ELMO1: variants seen among roughly 807,000 people sequenced by gnomAD.
ELMO1 encodes the protein engulfment and cell motility protein 1.
ELMO1 carries 26 observed loss-of-function variants against 98.9 expected under a neutral mutation model. The observed-to-expected ratio is 0.26, with a 90% CI of 0.19 to 0.36. The LOEUF (loss-of-function observed/expected upper bound fraction) is 0.36. Among genes scored for constraint, ELMO1 ranks in the 10% least tolerant of loss-of-function variants. The pLI is 1.00. For synonymous variants in ELMO1, 346 were observed against 346.0 expected, an observed-to-expected ratio of 1.00 and a Z score of 0.00; for missense variants, 627 against 935.2, an observed-to-expected ratio of 0.67 and a Z score of 4.30.
intron 16 of ELMO1, among the ~76,000 whole-genome samples, chr7:36,943,290 CT>C (rs1787203704): frequency 6.6e-6 from 1 of 152,210 alleles, no homozygotes; most frequent in South Asian, 2.1e-4. Context: ...AATACCTTTT[CT>C]TTTATGCGTA....
intron 16 of ELMO1, among the ~76,000 whole-genome samples, chr7:36,943,328 T>C (rs1046017016): frequency 4.1e-4 from 63 of 152,230 alleles, no homozygotes; most frequent in African/African-American, 1.4e-3. Flanking sequence ...ACGGTGTTTA[T>C]ATAAATCCAG....
intron 4 of ELMO1, among the ~76,000 whole-genome samples, chr7:37,289,154 T>C (rs1797548974): frequency 6.6e-6 from 1 of 152,142 alleles, no homozygotes; most frequent in South Asian, 2.1e-4. Context: ...GCTTTTTGAG[T>C]GAATAGAATG....
chr7:37,015,622 A>C (rs987924784), intron 15 of ELMO1, among the ~76,000 whole-genome samples: 3 of 152,210 alleles, frequency 2.0e-5, no homozygotes, highest in Non-Finnish European at 4.4e-5. Flanking sequence ...GAAAAAAAGA[A>C]AAAATAGGAA....
At chr7:36,958,160 T>C (rs779032996) in intron 16 of ELMO1, among the ~76,000 whole-genome samples, 6 of 152,212 alleles carry the variant, frequency 3.9e-5, no homozygotes, top group African/African-American at 9.6e-5. Context: ...TATTCCATTA[T>C]AATTATAATC....
At chr7:37,433,943 C>G (rs756416830) in intron 1 of ELMO1, among the ~76,000 whole-genome samples, 2 of 152,124 alleles carry the variant, frequency 1.3e-5, no homozygotes, top group Non-Finnish European at 2.9e-5. Flanking sequence ...CGAACCTCAT[C>G]TGGGACTTAT....
intron 8 of ELMO1, among the ~76,000 whole-genome samples, chr7:37,228,973 C>G (rs542326135): frequency 2.0e-5 from 3 of 152,140 alleles, no homozygotes; most frequent in Non-Finnish European, 2.9e-5. Flanking sequence ...GCCTGGGTGA[C>G]GGAGCGAGAC....
intron 1 of ELMO1, among the ~76,000 whole-genome samples, chr7:37,380,595 T>A (rs1468879834): frequency 6.6e-6 from 1 of 152,202 alleles, no homozygotes; most frequent in African/African-American, 2.4e-5. Flanking sequence ...ATTCTCACTA[T>A]CAGAAGTAGT....
intron 1 of ELMO1, among the ~76,000 whole-genome samples, chr7:37,410,865 C>A (rs1392335399): frequency 6.6e-6 from 1 of 152,162 alleles, no homozygotes; most frequent in East Asian, 1.9e-4. Context: ...GAAAAGGATG[C>A]AATTCATGAG....
intron 15 of ELMO1, among the ~76,000 whole-genome samples, chr7:37,015,596 C>T (rs1029513694): frequency 1.3e-4 from 19 of 151,992 alleles, no homozygotes; most frequent in African/African-American, 4.3e-4. Flanking sequence ...AGCGAAACTC[C>T]GTCTCCCAAA....
chr7:37,089,816 C>T (rs1043283887), intron 15 of ELMO1, among the ~76,000 whole-genome samples: 1 of 152,118 alleles, frequency 6.6e-6, no homozygotes, highest in African/African-American at 2.4e-5. Flanking sequence ...CCCATCTTAA[C>T]ATAACTCCAG....
chr7:37,388,886 G>C (rs1011581560), intron 1 of ELMO1, among the ~76,000 whole-genome samples: 1 of 152,206 alleles, frequency 6.6e-6, no homozygotes, highest in Non-Finnish European at 1.5e-5. Flanking sequence ...CTTTGGGAGG[G>C]ATAGCTTTAA....
chr7:37,252,257 A>G (rs1014308184), intron 6 of ELMO1, among the ~76,000 whole-genome samples: 2 of 152,258 alleles, frequency 1.3e-5, no homozygotes, highest in Middle Eastern at 3.2e-3. Flanking sequence ...GAACTAAAAA[A>G]GAGCCCATAT....
chr7:37,350,349 G>C (rs1317135128), intron 1 of ELMO1, among the ~76,000 whole-genome samples: 1 of 152,200 alleles, frequency 6.6e-6, no homozygotes, highest in Admixed American at 6.5e-5. Context: ...TGTGCTATTA[G>C]CTACGGTTGG....
chr7:37,309,328 T>A (rs1162478011), intron 4 of ELMO1, among the ~76,000 whole-genome samples: 1 of 152,162 alleles, frequency 6.6e-6, no homozygotes, highest in Non-Finnish European at 1.5e-5. Context: ...AACCTCCCCC[T>A]TGATTCAATT....
intron 13 of ELMO1, among the ~76,000 whole-genome samples, chr7:37,182,422 A>C (rs1790923917): frequency 6.6e-6 from 1 of 151,490 alleles, no homozygotes. Flanking sequence ...AAAGGCTAAA[A>C]ATGACAACAT....
intron 15 of ELMO1, among the ~76,000 whole-genome samples, chr7:37,076,644 C>T (rs181606838): frequency 6.6e-6 from 1 of 152,342 alleles, no homozygotes; most frequent in African/African-American, 2.4e-5. Context: ...TCAGGGGCAG[C>T]AAAGAATCTG....
chr7:37,169,208 G>A (rs981277733), intron 13 of ELMO1, among the ~76,000 whole-genome samples: 2 of 152,168 alleles, frequency 1.3e-5, no homozygotes, highest in African/African-American at 4.8e-5. Context: ...GCAGTATTCG[G>A]GTGGGAATGA....
At chr7:37,137,023 C>T (rs1787307917) in intron 13 of ELMO1, among the ~76,000 whole-genome samples, 1 of 152,102 alleles carries the variant, frequency 6.6e-6, no homozygotes, top group Non-Finnish European at 1.5e-5. Flanking sequence ...CTTCAAGAGA[C>T]TCACCTAACA....
At chr7:37,131,149 T>C (rs1331794713) in intron 14 of ELMO1, among the ~76,000 whole-genome samples, 2 of 152,016 alleles carry the variant, frequency 1.3e-5, no homozygotes, top group Non-Finnish European at 2.9e-5. Context: ...ACTAACCCCA[T>C]GCATTCACAT....
Sources: allele counts gnomAD v4.1 joint callset (sites outside exome capture counted in the v4.1 genomes callset), GRCh38; gene constraint gnomAD v4.1.1; transcripts MANE v1.5; gene names NCBI Gene and HGNC (gene_info 2026-07-23, HGNC 2026-07-21).